The following SLC4A9 variants were observed in gnomAD, a reference collection of about 807,000 sequenced individuals.
SLC4A9 encodes the protein solute carrier family 4 member 9, also known as anion exchange protein 4.
A neutral mutation model predicts 103.2 loss-of-function variants in SLC4A9; 102 were observed. The observed-to-expected ratio is 0.99, with a 90% CI of 0.84 to 1.17. SLC4A9 has a LOEUF of 1.17. SLC4A9 is among the 50% of genes most tolerant of loss of function. The pLI is 0.00. For missense variants in SLC4A9, 1,091 were observed against 1,193.7 expected (o/e 0.91, Z 1.27); for synonymous variants, 453 against 483.6 (o/e 0.94, Z 0.83).
In SLC4A9 at chr5:140,367,463, C is replaced by G. The variant is rs368362485; in HGVS notation, c.2057C>G (p.Ala686Gly). 6 of 1,609,820 alleles carry G rather than the reference C, an allele frequency of 3.7e-6. No individual in the cohort carries two copies. Among genetic ancestry groups the G allele is most frequent in the Non-Finnish European group, 5.1e-6 (6 of 1,178,460 alleles). Reference sequence around the variant, plus strand: ...GGCTGGCTGGTGTCACCTTTTGGAGCCAACCCCTGGTGGTGGAGTGTGGCA... The same window carrying G: ...GGCTGGCTGGTGTCACCTTTTGGAGGCAACCCCTGGTGGTGGAGTGTGGCA... ...GRGWLVSPFG[A>G]NPWWWSVAAA... Residue 686 changes from alanine to glycine, a missense_variant, in exon 15 of 22, where the codon GCC becomes GGC. Physicochemically the swap from Ala to Gly is moderately conservative, Grantham distance 60. Transcript: ENST00000506757.
chr5:140,368,392 T>G (rs1441907750), intron 16 of SLC4A9, among the ~76,000 whole-genome samples, 195 bp from the exon 17 acceptor site: 1 of 152,250 alleles, frequency 6.6e-6, no homozygotes, highest in Non-Finnish European at 1.5e-5. Flanking sequence ...GACTCTCACC[T>G]TGAAGTGCTC....
At chr5:140,374,777 G>A (rs955935754) in intron 21 of SLC4A9, 50 bp from the exon 22 acceptor site, 1 of 152,108 alleles carries the variant, frequency 6.6e-6, no homozygotes, top group Non-Finnish European at 1.5e-5. Flanking sequence ...TAGTTCACAG[G>A]TGCTTACTCA....
At chr5:140,361,106 A>G in intron 2 of SLC4A9, 134 bp downstream of exon 2, 1 of 1,205,560 alleles carries the variant, frequency 8.3e-7, no homozygotes, top group Non-Finnish European at 1.2e-6. Flanking sequence ...CACAGGGTGG[A>G]CATGGAAAAG....
chr5:140,369,544 G>A (rs1311723297), intron 17 of SLC4A9, among the ~76,000 whole-genome samples: 1 of 152,154 alleles, frequency 6.6e-6, no homozygotes, highest in Non-Finnish European at 1.5e-5. Context: ...AGTCAAGGAG[G>A]GTGTGGAGAA....
chr5:140,370,487 A>G (rs1768551404), intron 17 of SLC4A9, among the ~76,000 whole-genome samples: 1 of 152,064 alleles, frequency 6.6e-6, no homozygotes, highest in African/African-American at 2.4e-5. Flanking sequence ...ACAAAAACAA[A>G]AAAACAAATT....
In SLC4A9 at chr5:140,362,531, C is replaced by T. The variant is rs200023654; in HGVS notation, c.806C>T (p.Pro269Leu). The T allele has an allele frequency of 6.6e-5, 106 of 1,613,854 alleles. No homozygotes were observed. Among genetic ancestry groups the T allele is most frequent in the Admixed American group, 5.5e-4 (33 of 60,010 alleles). ...GRAAAVLLSD[P>L]QFQWSVRRAS... ...GCAGCAGCTGTCCTCCTCAGTGACC[C>T]GGTGAGCTGAGCAGGTGTGTGTGTG... is the stretch of plus-strand genomic sequence containing the variant. The change falls in exon 6 of 22, where the codon CCG becomes CTG. Residue 269 changes from proline to leucine, a missense_variant and splice_region_variant. Pro to Leu is a moderately conservative substitution (Grantham distance 98). Coordinates refer to ENST00000506757, the MANE Select transcript of SLC4A9 (RefSeq NM_031467.3).
Position 140,361,814 on chromosome 5 carries a change from C to T in SLC4A9, c.512C>T (p.Thr171Ile), listed in dbSNP as rs1286200718. Reference sequence around the variant, plus strand: ...GCATAATCCTGTTTTGTAGGCTCTACTCATCCAAGAAAGGCTTCTGACAAT... The same window carrying T: ...GCATAATCCTGTTTTGTAGGCTCTATTCATCCAAGAAAGGCTTCTGACAAT... ...TTGTRPCWGSTHPRKASDNEE... is the reference protein window; with the variant it reads ...TTGTRPCWGSIHPRKASDNEE... The change falls in exon 4 of 22, where the codon ACT becomes ATT. Residue 171 changes from threonine to isoleucine, a missense_variant. Coordinates refer to ENST00000506757, the MANE Select transcript of SLC4A9 (RefSeq NM_031467.3). 41 of 1,613,904 alleles carry T rather than the reference C, an allele frequency of 2.5e-5. No homozygotes were observed. Among genetic ancestry groups the T allele is most frequent in the Non-Finnish European group, 3.4e-5 (40 of 1,179,904 alleles).
Position 140,365,660 on chromosome 5 carries a change from T to C in SLC4A9, c.1710+82T>C, listed in dbSNP as rs576703255. 6 of 1,501,060 alleles carry C rather than the reference T, an allele frequency of 4.0e-6. No individual in the cohort carries two copies. The South Asian group carries it at 4.7e-5, about 12-fold the overall frequency. 93.0% of individuals were successfully genotyped at this position (1,501,060 alleles called of 1,614,324 possible). A position where few individuals can be genotyped will look rare whatever the true frequency, so the allele number is the denominator to read the frequency against. On this transcript the variant is annotated intron_variant, in intron 12 of 21. Coordinates refer to ENST00000506757, the MANE Select transcript of SLC4A9 (RefSeq NM_031467.3). ...GGTGGTTTCTAGCTCTTCCTACCCA[T>C]AGGTTAAGGAAACCTTCATAGGTGA...
chr5:140,373,491 A>G (rs1283444983), intron 21 of SLC4A9, among the ~76,000 whole-genome samples: 2 of 152,028 alleles, frequency 1.3e-5, no homozygotes, highest in African/African-American at 4.8e-5. Context: ...AGGGCTTCTG[A>G]CCTCTTCTTG....
At chr5:140,370,788 G>A in intron 17 of SLC4A9, 1 of 356,566 alleles carries the variant, frequency 2.8e-6, no homozygotes, top group South Asian at 3.6e-5. Context: ...TAGTATAGTG[G>A]GAGCATAAAG....
chr5:140,365,973 T>C lies in SLC4A9; in HGVS notation c.1850T>C (p.Phe617Ser), dbSNP rs754675108. Reference sequence around the variant, plus strand: ...CTCCTCTTCCTTACTTCTTTCTTCTTTGCTATGGCCCTCAAGTGTGTAAAG... The same window carrying C: ...CTCCTCTTCCTTACTTCTTTCTTCTCTGCTATGGCCCTCAAGTGTGTAAAG... ...SLLLFLTSFF[F>S]AMALKCVKTS... Residue 617 changes from phenylalanine to serine, a missense_variant, in exon 13 of 22, where the codon TTT (phenylalanine) becomes TCT (serine). Transcript: ENST00000506757. 3 of 1,614,056 alleles carry C rather than the reference T, an allele frequency of 1.9e-6. No homozygotes were observed. The highest frequency in any genetic ancestry group is 2.5e-6 in the Non-Finnish European group (3 of 1,179,896).
chr5:140,364,732 A>G, intron 11 of SLC4A9, 107 bp downstream of exon 11: 6 of 1,352,304 alleles, frequency 4.4e-6, no homozygotes, highest in Non-Finnish European at 6.0e-6. Context: ...AATGCTGCAT[A>G]CTTACCCAAT....
In SLC4A9 at chr5:140,362,428, C is replaced by A. The variant is rs774739581; in HGVS notation, c.720-17C>A. The A allele has an allele frequency of 5.0e-6, 8 of 1,611,894 alleles. No individual in the cohort carries two copies. The African/African-American group carries it at 5.3e-5, about 11-fold the overall frequency. On this transcript the variant is annotated splice_polypyrimidine_tract_variant and intron_variant, in intron 5 of 21. Transcript: ENST00000506757. ...GAAAGCAGCCTGTGAATCTCTGGGG[C>A]CTGGTTCCTTCCTCAGGTTTTTCTG...
At chr5:140,366,381 T>C in intron 14 of SLC4A9, 117 bp downstream of exon 14, 2 of 712,582 alleles carry the variant, frequency 2.8e-6, no homozygotes, top group Non-Finnish European at 4.6e-6. Flanking sequence ...ACTAATAAGC[T>C]AGAGATAGTA....
Position 140,360,939 on chromosome 5 carries a change from G to A in SLC4A9, c.358G>A (p.Asp120Asn). 6.3e-7 allele frequency: 1 copy of A among 1,597,022 alleles called. No homozygotes were observed. The highest frequency in any genetic ancestry group is 8.5e-7 in the Non-Finnish European group (1 of 1,172,130). ...SLLAEGLVLL[D>N]CPAQSLLELV... Reference sequence around the variant, plus strand: ...GCTGGCCGAGGGCCTTGTACTGCTGGACTGCCCAGCTCAGAGCCTCCTGGA... The same window carrying A: ...GCTGGCCGAGGGCCTTGTACTGCTGAACTGCCCAGCTCAGAGCCTCCTGGA... Residue 120 changes from aspartate (D) to asparagine (N), a missense_variant, in exon 2 of 22, where the codon GAC (aspartate) becomes AAC (asparagine). Asp to Asn is a conservative substitution (Grantham distance 23, BLOSUM62 1). Coordinates refer to ENST00000506757, the MANE Select transcript of SLC4A9 (RefSeq NM_031467.3).
intron 6 of SLC4A9, 77 bp downstream of exon 6, chr5:140,362,609 T>G (rs1222596210): frequency 6.5e-6 from 9 of 1,375,764 alleles, no homozygotes; most frequent in Non-Finnish European, 9.3e-6. Context: ...CATACATGCA[T>G]GGGCTCATGT....
chr5:140,363,422 GT>G lies in SLC4A9; in HGVS notation c.963-15del, dbSNP rs1561581595. The G allele has an allele frequency of 6.5e-7, 1 of 1,549,910 alleles. No homozygotes were observed. On this transcript the variant is annotated splice_polypyrimidine_tract_variant and intron_variant, in intron 7 of 21. Transcript: ENST00000506757. The surrounding 1 kb of genome is among the most constrained non-coding windows in gnomAD (Gnocchi z 4.5). ...GTTGGAGATCCTCAGCCAACCTGGG[GT>G]TCCCCTCCTCCTCAGGCTTCCCTCG...
At chr5:140,362,579 T>C (rs770779754) in intron 6 of SLC4A9, 47 bp downstream of exon 6, 1 of 1,497,940 alleles carries the variant, frequency 6.7e-7, no homozygotes, top group Non-Finnish European at 9.3e-7. Flanking sequence ...CGTGCATGCC[T>C]GTGTGTGTGT....
chr5:140,360,676 C>T (rs1766927579), intron 1 of SLC4A9, 136 bp from the exon 2 acceptor site: 7 of 1,415,444 alleles, frequency 4.9e-6, no homozygotes, highest in African/African-American at 1.4e-5. Flanking sequence ...GGGTGACTGC[C>T]AGGGTGGGGG....
Sources: allele counts gnomAD v4.1 joint callset (sites outside exome capture counted in the v4.1 genomes callset), GRCh38; gene constraint gnomAD v4.1.1; non-coding constraint Gnocchi (gnomAD v3.1); transcripts MANE v1.5; gene names NCBI Gene and HGNC (gene_info 2026-07-23, HGNC 2026-07-21).